Variants in ABTB2 observed in about 807,000 individuals in gnomAD.
The protein encoded by ABTB2 is ankyrin repeat and BTB domain containing 2, also known as ankyrin repeat and BTB/POZ domain-containing protein 2.
In ABTB2, 56 loss-of-function variants were observed where a neutral mutation model predicts 104.1. The observed-to-expected ratio is 0.54, with a 90% CI of 0.43 to 0.67. The LOEUF is 0.67. Ranked by LOEUF, ABTB2 falls within the 30% of genes least tolerant of loss-of-function variation. The probability of loss-of-function intolerance (pLI) is 0.00; values close to 1 mark genes in which losing one functional copy is unlikely to be tolerated. For synonymous variants in ABTB2, 606 were observed against 608.2 expected (o/e 1.00, Z 0.05); for missense variants, 1,279 against 1,407.7 (o/e 0.91, Z 1.46).
intron 12 of ABTB2, 107 bp from the exon 13 acceptor site, chr11:34,160,115 G>T: frequency 8.0e-7 from 1 of 1,251,090 alleles, no homozygotes; most frequent in Non-Finnish European, 1.2e-6. Context: ...GGACACAGAG[G>T]TGAGGAACAG....
At chr11:34,318,136 T>C (rs1280408487) in intron 1 of ABTB2, among the ~76,000 whole-genome samples, 1 of 151,952 alleles carries the variant, frequency 6.6e-6, no homozygotes, top group Non-Finnish European at 1.5e-5. Context: ...CCAGCTAATT[T>C]TTTTGCATTT....
intron 1 of ABTB2, among the ~76,000 whole-genome samples, chr11:34,240,484 C>A (rs1363031036): frequency 6.6e-6 from 1 of 152,226 alleles, no homozygotes; most frequent in Non-Finnish European, 1.5e-5. Context: ...CTGGGAAAGC[C>A]AGAAGCAGAG....
At chr11:34,214,933 T>C (rs893868392) in intron 1 of ABTB2, among the ~76,000 whole-genome samples, 1 of 152,148 alleles carries the variant, frequency 6.6e-6, no homozygotes, top group African/African-American at 2.4e-5. Context: ...TGGAAGAAAC[T>C]CAGGGAGAAC....
chr11:34,232,623 C>T (rs569415805), intron 1 of ABTB2, among the ~76,000 whole-genome samples: 6 of 152,062 alleles, frequency 3.9e-5, no homozygotes, highest in African/African-American at 1.4e-4. Flanking sequence ...AGTATCTACT[C>T]ATTTACATAT....
At chr11:34,271,954 C>T (rs1406161405) in intron 1 of ABTB2, among the ~76,000 whole-genome samples, 1 of 152,126 alleles carries the variant, frequency 6.6e-6, no homozygotes, top group African/African-American at 2.4e-5. Flanking sequence ...CTGTGCTTGC[C>T]AAGCAAACAC....
intron 4 of ABTB2, among the ~76,000 whole-genome samples, chr11:34,172,122 C>T (rs1020248889): frequency 6.6e-6 from 1 of 151,832 alleles, no homozygotes; most frequent in African/African-American, 2.4e-5. Flanking sequence ...CCTGTAATCC[C>T]AGCACTTTGG....
chr11:34,153,999 C>T (rs760589309), intron 16 of ABTB2, among the ~76,000 whole-genome samples: 33 of 152,200 alleles, frequency 2.2e-4, no homozygotes, highest in Admixed American at 4.6e-4. Context: ...TGTCCAGCTA[C>T]CACAGCCCAG....
chr11:34,176,324 T>C (rs926685133), intron 3 of ABTB2, among the ~76,000 whole-genome samples: 2 of 149,196 alleles, frequency 1.3e-5, no homozygotes, highest in African/African-American at 4.9e-5. Context: ...ATCTTCCTGC[T>C]CTGAGATCAC....
chr11:34,272,718 A>C (rs1034411434), intron 1 of ABTB2, among the ~76,000 whole-genome samples: 11 of 149,814 alleles, frequency 7.3e-5, no homozygotes, highest in South Asian at 2.1e-4. Flanking sequence ...AAAAAAAAAA[A>C]AAAAAAAAAA....
chr11:34,241,203 C>T (rs141001003), intron 1 of ABTB2, among the ~76,000 whole-genome samples: 1,729 of 152,202 alleles, frequency 0.011, 48 homozygotes, highest in African/African-American at 0.038. Flanking sequence ...ATCTGTACAG[C>T]GGGAATAACA....
Position 34,152,352 on chromosome 11 carries a change from A to G in ABTB2, c.*35T>C. ...CGACATGGTGGGCCCTGGCACCTCCACAGGCCCTGGCCTCGGCAGCCTCCG... is the reference window on the plus strand; with the variant it reads ...CGACATGGTGGGCCCTGGCACCTCCGCAGGCCCTGGCCTCGGCAGCCTCCG... On this transcript the variant is annotated 3_prime_UTR_variant, in exon 17 of 17. Coordinates refer to ENST00000435224, the MANE Select transcript of ABTB2 (RefSeq NM_145804.3). The G allele has an allele frequency of 3.9e-6, 6 of 1,538,564 alleles. No homozygotes were observed. The highest frequency in any genetic ancestry group is 5.3e-6 in the Non-Finnish European group (6 of 1,141,326).
chr11:34,217,274 G>C (rs1165295362), intron 1 of ABTB2, among the ~76,000 whole-genome samples: 3 of 152,148 alleles, frequency 2.0e-5, no homozygotes, highest in Non-Finnish European at 4.4e-5. Context: ...CTAATTTTGA[G>C]GTTTGCCTGT....
chr11:34,181,693 C>T (rs942746919), intron 3 of ABTB2, among the ~76,000 whole-genome samples: 5 of 152,154 alleles, frequency 3.3e-5, no homozygotes, highest in African/African-American at 4.8e-5. Flanking sequence ...GGTGCAGGCC[C>T]GGCTCCCAGG....
chr11:34,182,256 C>G (rs975256521), intron 3 of ABTB2, among the ~76,000 whole-genome samples: 3 of 152,248 alleles, frequency 2.0e-5, no homozygotes. Context: ...AGATTTCACT[C>G]TGCACCAAAG....
intron 1 of ABTB2, among the ~76,000 whole-genome samples, chr11:34,348,522 G>A (rs1855360764): frequency 1.3e-5 from 2 of 152,052 alleles, no homozygotes; most frequent in Admixed American, 6.6e-5. Flanking sequence ...AGCCTCTGGG[G>A]GCTCTGCATC....
chr11:34,215,187 AG>A (rs1171186549), intron 1 of ABTB2, among the ~76,000 whole-genome samples: 2 of 152,182 alleles, frequency 1.3e-5, no homozygotes, highest in Non-Finnish European at 2.9e-5. Flanking sequence ...ATTGCTGGGC[AG>A]GGGGTGAGGG....
intron 5 of ABTB2, 70 bp from the exon 6 acceptor site, chr11:34,168,062 T>C: frequency 6.7e-7 from 1 of 1,495,710 alleles, no homozygotes; most frequent in South Asian, 1.2e-5. Context: ...CACAGGCCTC[T>C]GCCCCAGAAA....
Position 34,357,442 on chromosome 11 carries a change from G to A in ABTB2, c.142C>T (p.Gln48Ter). The change falls in exon 1 of 17, where the codon CAG becomes TAG. Residue 48 changes from glutamine (Q) to a stop codon, truncating the protein, a stop_gained. Transcript: ENST00000435224. LOFTEE classifies it high-confidence loss of function. The stretch of plus-strand genomic sequence containing the variant: ...CACCACCAGGCCGCCCCGCGGTGCT[G>A]CTGCGCCGAAGAGTTGAGCGCCTGC... ...NSQALNSSAQ[Q>*]HRGAAWWCYS... 2 of 1,548,576 alleles carry A rather than the reference G, an allele frequency of 1.3e-6. No homozygotes were observed. The highest frequency in any genetic ancestry group is 1.2e-5 in the South Asian group (1 of 84,046).
chr11:34,284,974 G>A (rs761114108), intron 1 of ABTB2, among the ~76,000 whole-genome samples: 6 of 152,252 alleles, frequency 3.9e-5, no homozygotes, highest in Non-Finnish European at 5.9e-5. Flanking sequence ...TGCCAGCTCC[G>A]CTGTGTGTAA....
Sources: gnomAD v4.1 joint callset for allele counts (sites outside exome capture counted in the v4.1 genomes callset) on GRCh38, gnomAD v4.1.1 for gene constraint, MANE v1.5 for transcripts, NCBI Gene and HGNC (gene_info 2026-07-23, HGNC 2026-07-21) for gene names.